The following HLTF variants were observed in gnomAD, a reference collection of about 807,000 sequenced individuals.
The protein encoded by HLTF is helicase like transcription factor.
In HLTF, 127 loss-of-function variants were observed where a neutral mutation model predicts 129.4. The ratio of observed to expected loss-of-function variants is 0.98; its 90% confidence interval spans 0.85 to 1.14. The LOEUF (loss-of-function observed/expected upper bound fraction) is 1.14, where lower values mean the gene tolerates loss of function less well. Ranked by LOEUF, HLTF falls within the 50% of genes most tolerant of loss-of-function variation. HLTF has a pLI of 0.00. For missense variants in HLTF, 1,139 were observed against 1,187.1 expected (o/e 0.96, Z 0.60); for synonymous variants, 332 against 388.8 (o/e 0.85, Z 1.72).
At chr3:149,047,920 A>G in intron 17 of HLTF, 108 bp downstream of exon 17, 1 of 872,634 alleles carries the variant, frequency 1.1e-6, no homozygotes, top group South Asian at 2.3e-5. Context: ...AACACTTTTT[A>G]GAAGGAAAAG....
Position 149,041,540 on chromosome 3 carries a change from C to T in HLTF, c.2326G>A (p.Ala776Thr), listed in dbSNP as rs368373271. 2.4e-5 allele frequency: 39 copies of T among 1,613,252 alleles called. No individual in the cohort carries two copies. The highest frequency in any genetic ancestry group is 2.0e-4 in the Admixed American group (12 of 59,990). The change falls in exon 20 of 25, where the codon GCA (alanine) becomes ACA (threonine). Residue 776 changes from alanine (A) to threonine (T), a missense_variant. Ala to Thr is a moderately conservative substitution (Grantham distance 58). Transcript: ENST00000310053. The stretch of plus-strand genomic sequence containing the variant: ...ATACAGGGTTTACAAAATACATGTG[C>T]ACAATGTGTTATCACAGGAACTGTT... ...SLTVPVITHC[A>T]HVFCKPCICQ...
At chr3:149,036,114 G>A (rs1016560591) in intron 23 of HLTF, among the ~76,000 whole-genome samples, 3 of 151,016 alleles carry the variant, frequency 2.0e-5, no homozygotes, top group Admixed American at 1.3e-4. Context: ...CAGCCTGGGC[G>A]ACAGAGCGAG....
rs541589304 is a variant in HLTF, at chr3:149,068,734, TTAAAGA to T, written c.895-405_895-400del. On this transcript the variant is annotated intron_variant, in intron 7 of 24. Coordinates refer to ENST00000310053, the MANE Select transcript of HLTF (RefSeq NM_003071.4). ...TATAATCATTTTATTAAAATTTGACTTAAAGATAATACCAAGCTTAAAAGTCATAAC... is the reference window on the plus strand; with the variant it reads ...TATAATCATTTTATTAAAATTTGACTTAATACCAAGCTTAAAAGTCATAAC... Among the ~76,000 whole-genome samples, 20 of 152,310 alleles carry T rather than the reference TTAAAGA, an allele frequency of 1.3e-4. No individual in the cohort carries two copies. The East Asian group carries it at 2.9e-3, about 22-fold the overall frequency.
intron 17 of HLTF, among the ~76,000 whole-genome samples, chr3:149,046,868 T>C (rs949072057): frequency 3.9e-5 from 6 of 152,178 alleles, no homozygotes; most frequent in African/African-American, 1.2e-4. Flanking sequence ...TTTCCCAACA[T>C]TGAAATATAA....
intron 2 of HLTF, among the ~76,000 whole-genome samples, chr3:149,083,166 G>A (rs1332789308): frequency 6.6e-6 from 1 of 151,970 alleles, no homozygotes; most frequent in Admixed American, 6.6e-5. Context: ...CAGGAGAACC[G>A]CTTGAACCTG....
chr3:149,035,455 G>T (rs545997210), intron 23 of HLTF, among the ~76,000 whole-genome samples: 2 of 151,650 alleles, frequency 1.3e-5, no homozygotes, highest in Non-Finnish European at 2.9e-5. Flanking sequence ...TATAAAAAAA[G>T]GGTTTCTCCT....
chr3:149,059,841 C>G (rs1353424325), intron 12 of HLTF, 34 bp from the exon 13 acceptor site: 2 of 1,359,856 alleles, frequency 1.5e-6, no homozygotes, highest in African/African-American at 2.9e-5. Context: ...AAATTTTTTT[C>G]AAATTATCTC....
chr3:149,076,897 T>C (rs969000291), intron 2 of HLTF, among the ~76,000 whole-genome samples: 1 of 152,010 alleles, frequency 6.6e-6, no homozygotes, highest in Non-Finnish European at 1.5e-5. Context: ...TATTCAAGAA[T>C]AAAAAGAATA....
rs1187733088 is a variant in HLTF, at chr3:149,060,651, C to A, written c.1277G>T (p.Arg426Met). The change falls in exon 12 of 25, where the codon AGG becomes ATG. Residue 426 changes from arginine to methionine, a missense_variant. Physicochemically the swap from Arg to Met is moderately conservative, Grantham distance 91. Coordinates refer to ENST00000310053, the MANE Select transcript of HLTF (RefSeq NM_003071.4). ...LKNVQSETKG[R>M]AKAGSSKVIE... is the part of the protein sequence containing the mutation. ...ATATAGTATACACATACCTTTCGCC[C>A]TGCCTTTAGTTTCAGACTGTACATT... The A allele has an allele frequency of 1.9e-6, 3 of 1,612,010 alleles. No individual in the cohort carries two copies. The highest frequency in any genetic ancestry group is 2.5e-6 in the Non-Finnish European group (3 of 1,178,612).
At chr3:149,074,191 T>C in intron 4 of HLTF, 24 bp downstream of exon 4, 4 of 1,600,796 alleles carry the variant, frequency 2.5e-6, no homozygotes, top group Non-Finnish European at 3.4e-6. Context: ...ATCAGAATAA[T>C]ATTAAGTGAA....
At chr3:149,032,964 A>AAAC (rs1559850247) in intron 24 of HLTF, among the ~76,000 whole-genome samples, 1 of 137,816 alleles carries the variant, frequency 7.3e-6, no homozygotes, top group African/African-American at 2.8e-5. Flanking sequence ...TCTCAAAAAA[A>AAAC]AAAAAAAAAA....
intron 14 of HLTF, among the ~76,000 whole-genome samples, chr3:149,051,053 A>C (rs1386747403): frequency 6.6e-6 from 1 of 152,166 alleles, no homozygotes; most frequent in Admixed American, 6.5e-5. Flanking sequence ...ATGAAGTCCT[A>C]AACCAGCAAG....
chr3:149,043,682 A>G (rs1716314702), intron 18 of HLTF, among the ~76,000 whole-genome samples: 1 of 152,266 alleles, frequency 6.6e-6, no homozygotes, highest in African/African-American at 2.4e-5. Context: ...CTGATATTTA[A>G]GTATTTTAAG....
intron 13 of HLTF, among the ~76,000 whole-genome samples, chr3:149,056,114 C>G (rs952976017): frequency 6.6e-6 from 1 of 152,148 alleles, no homozygotes; most frequent in Admixed American, 6.5e-5. Flanking sequence ...ACGGCGGCCC[C>G]TGAAGAAGAG....
intron 3 of HLTF, among the ~76,000 whole-genome samples, chr3:149,075,280 G>A (rs1719247190): frequency 6.6e-6 from 1 of 152,194 alleles, no homozygotes; most frequent in Admixed American, 6.5e-5. Context: ...TGGGCACGGT[G>A]GCTCACGCCT....
chr3:149,046,180 A>T lies in HLTF; in HGVS notation c.1972T>A (p.Leu658Ile), dbSNP rs757214237. ...TGAATAAATACTTTACGTTCTGGTAACTCCAAAACAGGTTTTCCTTTAATT... is the reference window on the plus strand; with the variant it reads ...TGAATAAATACTTTACGTTCTGGTATCTCCAAAACAGGTTTTCCTTTAATT... The part of the protein sequence containing the change: ...SKIKGKPVLE[L>I]PERKVFIQHI... Residue 658 changes from leucine (L) to isoleucine (I), a missense_variant, in exon 18 of 25, where the codon TTA (leucine) becomes ATA (isoleucine). Leu to Ile is a conservative substitution (Grantham distance 5). Coordinates refer to ENST00000310053, the MANE Select transcript of HLTF (RefSeq NM_003071.4). 18 of 1,606,510 alleles carry T rather than the reference A, an allele frequency of 1.1e-5. No homozygotes were observed. The South Asian group carries it at 2.0e-4, about 18-fold the overall frequency.
Position 149,048,876 on chromosome 3 carries a change from T to C in HLTF, c.1743A>G (p.Arg581=). The change falls in exon 16 of 25, where the codon AGA becomes AGG. Residue 581 remains arginine (R), a synonymous_variant. Transcript: ENST00000310053. ...TGCTATGATTACCTGTCAAAACCCA[T>C]CTTCTTTCTGATTCTAAGTCAAGTA... ...KAVLDLESER[R]WVLTGTPIQN... 1 of 1,613,184 alleles carries C rather than the reference T, an allele frequency of 6.2e-7. No individual in the cohort carries two copies. The highest frequency in any genetic ancestry group is 8.5e-7 in the Non-Finnish European group (1 of 1,179,258).
At chr3:149,078,615 T>C (rs57323042) in intron 2 of HLTF, among the ~76,000 whole-genome samples, 16,608 of 152,022 alleles carry the variant, frequency 0.11, 963 homozygotes, top group African/African-American at 0.16. Flanking sequence ...CCCAGCACTT[T>C]GGGAGGCCGA....
chr3:149,047,066 T>C (rs867849018), intron 17 of HLTF, among the ~76,000 whole-genome samples: 1 of 152,314 alleles, frequency 6.6e-6, no homozygotes, highest in African/African-American at 2.4e-5. Flanking sequence ...CTATGTATCA[T>C]GCACTCCGAT....
Sources: gnomAD v4.1 joint callset for allele counts (sites outside exome capture counted in the v4.1 genomes callset) on GRCh38, gnomAD v4.1.1 for gene constraint, MANE v1.5 for transcripts, NCBI Gene and HGNC (gene_info 2026-07-23, HGNC 2026-07-21) for gene names.